The following CDH22 variants were observed in gnomAD, a reference collection of about 807,000 sequenced individuals.
The protein encoded by CDH22 is cadherin-22.
Under a neutral mutation model 58.4 loss-of-function variants are expected in CDH22, and 30 were observed. The observed-to-expected ratio is 0.51, with a 90% CI of 0.38 to 0.70. The LOEUF is 0.70. Among genes scored for constraint, CDH22 ranks in the 30% least tolerant of loss-of-function variants. CDH22 has a pLI of 0.00. For synonymous variants in CDH22, 513 were observed against 558.2 expected, an observed-to-expected ratio of 0.92 and a Z score of 1.14; for missense variants, 1,014 against 1,233.9, an observed-to-expected ratio of 0.82 and a Z score of 2.67.
intron 1 of CDH22, among the ~76,000 whole-genome samples, chr20:46,262,394 C>T (rs2086437666): frequency 6.6e-6 from 1 of 152,018 alleles, no homozygotes; most frequent in Non-Finnish European, 1.5e-5. Flanking sequence ...TGACCTGGGG[C>T]CCCCAGTCTT....
chr20:46,302,284 G>C (rs1600731694), intron 1 of CDH22, among the ~76,000 whole-genome samples: 1 of 152,092 alleles, frequency 6.6e-6, no homozygotes, highest in Non-Finnish European at 1.5e-5. Context: ...AGTGGGGTGG[G>C]GGGGACTGTC....
intron 4 of CDH22, among the ~76,000 whole-genome samples, chr20:46,226,242 T>TTCTTCTTCTTCTTCTTCTTCC (rs1568665158): frequency 9.8e-4 from 9 of 9,188 alleles, no homozygotes; most frequent in South Asian, 5.6e-3. Context: ...CTTCTTCTTC[T>TTCTTCTTCTTCTTCTTCTTCC]TCTTCTTCTT....
At chr20:46,307,599 G>C (rs1169265806) in intron 1 of CDH22, among the ~76,000 whole-genome samples, 1 of 152,296 alleles carries the variant, frequency 6.6e-6, no homozygotes, top group South Asian at 2.1e-4. Flanking sequence ...GGCAGGGGGG[G>C]TCGCGCCGGT....
chr20:46,301,747 G>T (rs1332855746), intron 1 of CDH22, among the ~76,000 whole-genome samples: 4 of 152,062 alleles, frequency 2.6e-5, no homozygotes, highest in African/African-American at 9.7e-5. Context: ...GGAGGCAGAA[G>T]TTGCAGTGAA....
At chr20:46,292,280 G>A (rs1233580590) in intron 1 of CDH22, among the ~76,000 whole-genome samples, 1 of 152,192 alleles carries the variant, frequency 6.6e-6, no homozygotes, top group East Asian at 1.9e-4. Context: ...AAATGCAAAG[G>A]TCCCATGAGC....
chr20:46,177,707 T>G (rs2085751003), intron 11 of CDH22, among the ~76,000 whole-genome samples: 1 of 152,184 alleles, frequency 6.6e-6, no homozygotes. Context: ...GGGTGAGGTT[T>G]GGGCTACACG....
intron 8 of CDH22, among the ~76,000 whole-genome samples, chr20:46,199,186 A>C (rs2085934028): frequency 6.6e-6 from 1 of 152,158 alleles, no homozygotes; most frequent in Non-Finnish European, 1.5e-5. Flanking sequence ...TACTCCCTTG[A>C]CTTGCAACCC....
intron 7 of CDH22, among the ~76,000 whole-genome samples, chr20:46,204,017 C>G (rs1294194701): frequency 6.6e-6 from 1 of 151,988 alleles, no homozygotes; most frequent in African/African-American, 2.4e-5. Flanking sequence ...GATCTGATGC[C>G]CATCTGCCTA....
At chr20:46,244,814 G>A (rs190457264) in intron 2 of CDH22, among the ~76,000 whole-genome samples, 19 of 152,286 alleles carry the variant, frequency 1.2e-4, no homozygotes, top group African/African-American at 4.3e-4. Flanking sequence ...GCCCTGTGCC[G>A]TGCAGGCCAC....
chr20:46,235,283 T>C (rs1289400509), intron 3 of CDH22, among the ~76,000 whole-genome samples: 1 of 152,204 alleles, frequency 6.6e-6, no homozygotes, highest in Non-Finnish European at 1.5e-5. Flanking sequence ...CCTCTTGCCA[T>C]CCCATTCAGG....
chr20:46,235,106 G>C (rs553344794), intron 3 of CDH22, among the ~76,000 whole-genome samples: 6 of 152,302 alleles, frequency 3.9e-5, no homozygotes, highest in African/African-American at 1.4e-4. Flanking sequence ...ACTTATCTTT[G>C]CATCCTCTGC....
At chr20:46,223,683 T>TTC (rs752345832) in intron 4 of CDH22, among the ~76,000 whole-genome samples, 2 of 68,788 alleles carry the variant, frequency 2.9e-5, no homozygotes, top group Non-Finnish European at 6.4e-5. Context: ...CTTTCTTTCT[T>TTC]TCTTTCTTTC....
At chr20:46,230,064 C>T (rs1250344237) in intron 3 of CDH22, among the ~76,000 whole-genome samples, 10 of 152,068 alleles carry the variant, frequency 6.6e-5, no homozygotes, top group South Asian at 4.1e-4. Flanking sequence ...TTTCCCAGGC[C>T]CCAGAGGAAT....
chr20:46,206,507 CAT>C (rs1002508321), intron 7 of CDH22, among the ~76,000 whole-genome samples: 9 of 152,192 alleles, frequency 5.9e-5, no homozygotes, highest in Non-Finnish European at 1.3e-4. Context: ...GATGCCACCT[CAT>C]GTCTTCATTT....
intron 4 of CDH22, among the ~76,000 whole-genome samples, chr20:46,222,719 C>T (rs1019943124): frequency 6.6e-6 from 1 of 152,242 alleles, no homozygotes; most frequent in Non-Finnish European, 1.5e-5. Flanking sequence ...CGTGTGATGC[C>T]TCATTAGCAC....
intron 3 of CDH22, among the ~76,000 whole-genome samples, chr20:46,231,107 A>G (rs535880059): frequency 6.6e-6 from 1 of 152,322 alleles, no homozygotes; most frequent in Admixed American, 6.5e-5. Flanking sequence ...TTCCAGAAGT[A>G]GAGCTGGGAC....
chr20:46,208,000 TCAGA>T (rs1410038987), intron 7 of CDH22, among the ~76,000 whole-genome samples: 4 of 152,184 alleles, frequency 2.6e-5, no homozygotes, highest in Non-Finnish European at 5.9e-5. Context: ...ATAGAGCCAT[TCAGA>T]CAGACAATGA....
At chr20:46,301,841 G>A (rs752380423) in intron 1 of CDH22, among the ~76,000 whole-genome samples, 18 of 152,146 alleles carry the variant, frequency 1.2e-4, no homozygotes, top group Middle Eastern at 3.4e-3. Context: ...ATATTATATC[G>A]ACTTGAGTGA....
intron 1 of CDH22, among the ~76,000 whole-genome samples, chr20:46,277,057 G>A (rs1408796715): frequency 6.6e-6 from 1 of 152,070 alleles, no homozygotes; most frequent in African/African-American, 2.4e-5. Flanking sequence ...TGGAGGCTGA[G>A]GGGAGAGGAT....
Sources: allele counts gnomAD v4.1 joint callset (sites outside exome capture counted in the v4.1 genomes callset), GRCh38; gene constraint gnomAD v4.1.1; transcripts MANE v1.5; gene names NCBI Gene and HGNC (gene_info 2026-07-23, HGNC 2026-07-21).